The following KDM1A variants were observed in gnomAD, a reference collection of about 807,000 sequenced individuals.
KDM1A encodes lysine-specific histone demethylase 1A.
Under a neutral mutation model 109.4 loss-of-function variants are expected in KDM1A, and 49 were observed. The ratio of observed to expected loss-of-function variants is 0.45; its 90% CI spans 0.36 to 0.57. KDM1A has a LOEUF of 0.57. Ranked by LOEUF, KDM1A falls within the 20% of genes least tolerant of loss-of-function variation. KDM1A has a pLI of 0.00. For synonymous variants in KDM1A, 380 were observed against 415.4 expected, an observed-to-expected ratio of 0.91 and a Z score of 1.04; for missense variants, 668 against 1,116.6, an observed-to-expected ratio of 0.60 and a Z score of 5.73.
At position 23,083,176 on chromosome 1, in the gene KDM1A, T is replaced by TTTTA. The variant is rs750046542; in HGVS notation, c.2446-3_2446-2insTTTA. 2 of 1,605,038 alleles carry TTTTA rather than the reference T, an allele frequency of 1.2e-6. No individual in the cohort carries two copies. The highest frequency in any genetic ancestry group is 3.3e-5 in the Admixed American group (2 of 59,716). ...CCAATTTTCTCTTTTTCCCCTAAAA[T>TTTTA]AGCCGATTCCACGACTCTTCTTTGC... is the stretch of plus-strand genomic sequence containing the variant. On this transcript the variant is annotated splice_region_variant and splice_polypyrimidine_tract_variant and intron_variant, in intron 20 of 20. Transcript: ENST00000400181.
At chr1:23,078,911 C>G in intron 16 of KDM1A, 79 bp from the exon 17 acceptor site, 1 of 1,174,134 alleles carries the variant, frequency 8.5e-7, no homozygotes, top group South Asian at 1.5e-5. Flanking sequence ...GGATGTCCAT[C>G]TGTTGTACAC....
intron 3 of KDM1A, among the ~76,000 whole-genome samples, chr1:23,044,841 C>T (rs1366040166): frequency 1.3e-5 from 2 of 152,098 alleles, no homozygotes; most frequent in Admixed American, 1.3e-4. Context: ...GAGGAAAAGT[C>T]ACAGGCTCAA....
At chr1:23,023,529 C>T (rs564940384) in intron 1 of KDM1A, among the ~76,000 whole-genome samples, 1 of 152,312 alleles carries the variant, frequency 6.6e-6, no homozygotes, top group South Asian at 2.1e-4. Flanking sequence ...TCTGGACTCT[C>T]AACTCTATTC....
In KDM1A at chr1:23,054,801, T is replaced by C. The variant is rs139845402; in HGVS notation, c.791-268T>C. On this transcript the variant is annotated intron_variant, in intron 5 of 20. Coordinates refer to ENST00000400181, the MANE Select transcript of KDM1A (RefSeq NM_001009999.3). ...ACCATCATACATGGCTAATTTTTTG[T>C]TTTTTATAGAGACAGGGTCTTGCTG... Among the ~76,000 whole-genome samples, 104 of 152,094 alleles carry C rather than the reference T, an allele frequency of 6.8e-4. 1 individual carries two copies. Among genetic ancestry groups the C allele is most frequent in the African/African-American group, 2.3e-3 (96 of 41,494 alleles).
At chr1:23,073,479 G>A in intron 15 of KDM1A, 76 bp downstream of exon 15, 1 of 834,580 alleles carries the variant, frequency 1.2e-6, no homozygotes. Context: ...AATTTTGTAT[G>A]TGTGTTTTTA....
chr1:23,056,558 C>A (rs1642836098), intron 7 of KDM1A, among the ~76,000 whole-genome samples: 1 of 151,986 alleles, frequency 6.6e-6, no homozygotes, highest in South Asian at 2.1e-4. Context: ...AAGCTATTTT[C>A]ATGAATAATT....
At chr1:23,032,564 A>G (rs1272727867) in intron 2 of KDM1A, among the ~76,000 whole-genome samples, 1 of 152,150 alleles carries the variant, frequency 6.6e-6, no homozygotes, top group Non-Finnish European at 1.5e-5. Context: ...ATGTGCTGAT[A>G]ACAGCCAGAA....
chr1:23,055,039 A>C, intron 5 of KDM1A, 30 bp from the exon 6 acceptor site: 19 of 1,378,876 alleles, frequency 1.4e-5, no homozygotes, highest in African/African-American at 2.9e-5. Flanking sequence ...CTGAAAATAA[A>C]ACCGTGTTTT....
At chr1:23,058,967 TA>T in intron 8 of KDM1A, 105 bp from the exon 9 acceptor site, 3 of 643,716 alleles carry the variant, frequency 4.7e-6, no homozygotes, top group Non-Finnish European at 7.3e-6. Context: ...TTACATACTG[TA>T]AGCTTTTGAG....
chr1:23,077,893 G>C (rs1643511367), intron 16 of KDM1A, among the ~76,000 whole-genome samples: 1 of 152,192 alleles, frequency 6.6e-6, no homozygotes, highest in Non-Finnish European at 1.5e-5. Flanking sequence ...GAGCAGTCCT[G>C]CTAATAAGTT....
At chr1:23,042,440 A>ATTTT (rs769149894) in intron 2 of KDM1A, among the ~76,000 whole-genome samples, 40 of 21,550 alleles carry the variant, frequency 1.9e-3, no homozygotes, top group Non-Finnish European at 2.4e-3. Context: ...GAAATATATT[A>ATTTT]TTTTTTTTTT....
At chr1:23,025,487 C>A (rs766015762) in intron 1 of KDM1A, among the ~76,000 whole-genome samples, 7 of 152,042 alleles carry the variant, frequency 4.6e-5, no homozygotes, top group Non-Finnish European at 1.0e-4. Context: ...CCTGCCACCA[C>A]GCCCAGCTAA....
chr1:23,058,674 T>G (rs1642910977), intron 8 of KDM1A, among the ~76,000 whole-genome samples: 1 of 152,108 alleles, frequency 6.6e-6, no homozygotes, highest in Admixed American at 6.5e-5. Context: ...TAGCAGAACA[T>G]TAGAAACCAC....
intron 1 of KDM1A, among the ~76,000 whole-genome samples, chr1:23,025,854 G>T (rs935768878): frequency 6.6e-6 from 1 of 152,082 alleles, no homozygotes; most frequent in African/African-American, 2.4e-5. Context: ...CACTTTGGGA[G>T]GCCAAGGTGG....
At chr1:23,073,805 G>A (rs182605158) in intron 15 of KDM1A, among the ~76,000 whole-genome samples, 22 of 152,328 alleles carry the variant, frequency 1.4e-4, no homozygotes, top group African/African-American at 5.1e-4. Context: ...AGATGTGCAT[G>A]AAGTTTTTGA....
chr1:23,020,105 G>A (rs548297982), intron 1 of KDM1A, 158 bp downstream of exon 1: 5 of 803,422 alleles, frequency 6.2e-6, no homozygotes, highest in Non-Finnish European at 7.0e-6. Context: ...CTGGACGGGT[G>A]GGGTGAGAAA....
At chr1:23,036,827 T>C (rs780930434) in intron 2 of KDM1A, among the ~76,000 whole-genome samples, 3 of 152,098 alleles carry the variant, frequency 2.0e-5, no homozygotes, top group Non-Finnish European at 4.4e-5. Context: ...TTTTAAAAAA[T>C]AGGCATTTTC....
At chr1:23,077,473 G>C (rs1643500017) in intron 16 of KDM1A, 113 bp downstream of exon 16, 2 of 1,101,714 alleles carry the variant, frequency 1.8e-6, no homozygotes, top group Non-Finnish European at 2.5e-6. Context: ...TGACACCATA[G>C]GTAAAAATTG....
At position 23,019,697 on chromosome 1, in the gene KDM1A, G is replaced by A; in HGVS notation, c.101G>A (p.Gly34Glu). The A allele has an allele frequency of 7.5e-7, 1 of 1,335,732 alleles. No individual in the cohort carries two copies. The highest frequency in any genetic ancestry group is 2.0e-5 in the South Asian group (1 of 50,016). The allele number at this position is 1,335,732 out of a possible 1,614,324, so 82.7% of individuals were successfully genotyped here. The change falls in exon 1 of 21, where the codon GGG becomes GAG. Residue 34 changes from glycine (G) to glutamate (E), a missense_variant. Gly to Glu is a moderately conservative substitution (Grantham distance 98, BLOSUM62 -2). Transcript: ENST00000400181. ...GGGACAGCAGGCGGCTCCGAGAACG[G>A]GTCTGAGGTGGCCGCGCAGCCCGCG... is the stretch of plus-strand genomic sequence containing the variant. Reference protein sequence around the residue: ...GPGTAGGSENGSEVAAQPAGL... With the variant: ...GPGTAGGSENESEVAAQPAGL...
Sources: gnomAD v4.1 joint callset for allele counts (sites outside exome capture counted in the v4.1 genomes callset) on GRCh38, gnomAD v4.1.1 for gene constraint, MANE v1.5 for transcripts, NCBI Gene and HGNC (gene_info 2026-07-23, HGNC 2026-07-21) for gene names.